ZNF335: variants seen among roughly 807,000 people sequenced by gnomAD.
The protein encoded by ZNF335 is NRC-interacting factor 1.
Under a neutral mutation model 145.6 loss-of-function variants are expected in ZNF335, and 84 were observed. The ratio of observed to expected loss-of-function variants is 0.58; its 90% CI spans 0.48 to 0.69. The LOEUF is 0.69. Ranked by LOEUF, ZNF335 falls within the 30% of genes least tolerant of loss-of-function variation. The pLI is 0.00. For missense variants in ZNF335, 1,865 were observed against 1,809.7 expected, an observed-to-expected ratio of 1.03 and a Z score of -0.55; for synonymous variants, 761 against 717.0, an observed-to-expected ratio of 1.06 and a Z score of -0.98.
chr20:45,956,616 G>C (rs1687289353), intron 17 of ZNF335, among the ~76,000 whole-genome samples: 1 of 151,786 alleles, frequency 6.6e-6, no homozygotes, highest in South Asian at 2.1e-4. Context: ...CAAATCAATA[G>C]AACAGAACTC....
chr20:45,965,691 G>A lies in ZNF335; in HGVS notation c.1039C>T (p.Pro347Ser). The A allele has an allele frequency of 1.2e-6, 2 of 1,603,294 alleles. No homozygotes were observed. The highest frequency in any genetic ancestry group is 1.1e-5 in the South Asian group (1 of 90,598). Residue 347 changes from proline (P) to serine (S), a missense_variant, in exon 7 of 28, where the codon CCC (proline) becomes TCC (serine). Coordinates refer to ENST00000322927, the MANE Select transcript of ZNF335 (RefSeq NM_022095.4). The stretch of plus-strand genomic sequence containing the variant: ...CGGGGCCGGCCAGGTCTCCTTCGGG[G>A]CCTTGGGGTACTGGGGGTGGGGCGC... ...LQRPTPSTPR[P>S]RRRPGRPRKL...
In ZNF335 at chr20:45,963,966, C is replaced by A; in HGVS notation, c.1127G>T (p.Ser376Ile). ...PDGVEGEPLV[S>I]SQSGQSPPEP... ...TGGAGGGCTCTGTCCACTCTGGGAA[C>A]TCACTAGAGGCTCTCCTTCCACACC... Residue 376 changes from serine (S) to isoleucine (I), a missense_variant, in exon 8 of 28, where the codon AGT becomes ATT. By Grantham distance (142) the Ser-to-Ile change is moderately radical (BLOSUM62 -2). Coordinates refer to ENST00000322927, the MANE Select transcript of ZNF335 (RefSeq NM_022095.4). 6.5e-7 allele frequency: 1 copy of A among 1,528,110 alleles called. No homozygotes were observed. The highest frequency in any genetic ancestry group is 8.8e-7 in the Non-Finnish European group (1 of 1,140,044). The allele number at this position is 1,528,110 out of a possible 1,614,324, so 94.7% of individuals were successfully genotyped here.
chr20:45,962,040 T>G, intron 10 of ZNF335, 30 bp downstream of exon 10: 1 of 1,481,338 alleles, frequency 6.8e-7, no homozygotes, highest in Non-Finnish European at 9.4e-7. Flanking sequence ...TGGCCTCTCT[T>G]GCCCAGGTCC....
In ZNF335 at chr20:45,950,024, T is replaced by C; in HGVS notation, c.3533A>G (p.Gln1178Arg). 2 of 1,614,120 alleles carry C rather than the reference T, an allele frequency of 1.2e-6. No homozygotes were observed. Among genetic ancestry groups the C allele is most frequent in the Non-Finnish European group, 1.7e-6 (2 of 1,180,020 alleles). The change falls in exon 23 of 28, where the codon CAG (glutamine) becomes CGG (arginine). Residue 1178 changes from glutamine to arginine, a missense_variant. Gln to Arg is a conservative substitution (Grantham distance 43, BLOSUM62 1). Transcript: ENST00000322927. Reference protein sequence around the residue: ...SHGVLGPERLQQALSQEHIIV... With the variant: ...SHGVLGPERLRQALSQEHIIV... ...GATGTGTTCCTGGCTCAGTGCCTGC[T>C]GTAGCCGCTCTGGGCCCAGGACCCC... is the stretch of plus-strand genomic sequence containing the variant.
At chr20:45,968,551 T>C in intron 3 of ZNF335, 189 bp from the exon 4 acceptor site, 2 of 533,768 alleles carry the variant, frequency 3.7e-6, no homozygotes, top group East Asian at 5.7e-5. Context: ...TGTCTGGAGG[T>C]CTAGTGTGAC....
chr20:45,971,988 T>C, intron 1 of ZNF335, 134 bp downstream of exon 1: 1 of 1,174,000 alleles, frequency 8.5e-7, no homozygotes, highest in African/African-American at 1.6e-5. Flanking sequence ...CGAGAGCGAC[T>C]AAAGGGCCTG....
intron 14 of ZNF335, 116 bp downstream of exon 14, chr20:45,960,092 G>T: frequency 8.3e-7 from 1 of 1,209,366 alleles, no homozygotes; most frequent in Non-Finnish European, 1.1e-6. Context: ...AAGGACTTGG[G>T]CTGTTCTGTG....
In ZNF335 at chr20:45,959,299, G is replaced by C. The variant is rs763158895; in HGVS notation, c.2155C>G (p.Arg719Gly). The change falls in exon 15 of 28, where the codon CGC becomes GGC. Residue 719 changes from arginine to glycine, a missense_variant. Coordinates refer to ENST00000322927, the MANE Select transcript of ZNF335 (RefSeq NM_022095.4). ...TGCAGAGAGAAGAAGGGGCGACGGC[G>C]GGAGGGGGGCTCCTCAGGGTGGCGC... ...GRRHPEEPPS[R>G]RRPFFSLQQI... is the part of the protein sequence containing the mutation. The C allele has an allele frequency of 6.4e-7, 1 of 1,564,284 alleles. No homozygotes were observed. Among genetic ancestry groups the C allele is most frequent in the Non-Finnish European group, 8.7e-7 (1 of 1,151,088 alleles).
intron 10 of ZNF335, 40 bp downstream of exon 10, chr20:45,962,030 T>G: frequency 3.1e-5 from 20 of 643,908 alleles, no homozygotes; most frequent in Non-Finnish European, 5.5e-5. Flanking sequence ...CCACCCAACC[T>G]GGCCTCTCTT....
intron 24 of ZNF335, 85 bp downstream of exon 24, chr20:45,949,715 T>C: frequency 6.5e-7 from 1 of 1,542,872 alleles, no homozygotes; most frequent in Middle Eastern, 1.8e-4. Context: ...AGGGGTGGTT[T>C]GGAAAGTATC....
In ZNF335 at chr20:45,949,381, G is replaced by A. The variant is rs1832751228; in HGVS notation, c.3771C>T (p.Ile1257=). 5 of 1,614,006 alleles carry A rather than the reference G, an allele frequency of 3.1e-6. No homozygotes were observed. Among genetic ancestry groups the A allele is most frequent in the Admixed American group, 1.7e-5 (1 of 60,006 alleles). Reference sequence around the variant, plus strand: ...CTCCTTGTTCATACTGGATGTGTGTGATCTGGCCCTCCTGTACCTGCAGAG... The same window carrying A: ...CTCCTTGTTCATACTGGATGTGTGTAATCTGGCCCTCCTGTACCTGCAGAG... ...GHHIQVQEGQ[I]THIQYEQGAP... The change falls in exon 26 of 28, where the codon ATC becomes ATT. Residue 1257 remains isoleucine, a synonymous_variant. Transcript: ENST00000322927.
In ZNF335 at chr20:45,953,753, C is replaced by T. The variant is rs770940456; in HGVS notation, c.2638G>A (p.Gly880Ser). 7.4e-6 allele frequency: 12 copies of T among 1,614,050 alleles called. No individual in the cohort carries two copies. Among genetic ancestry groups the T allele is most frequent in the Non-Finnish European group, 9.3e-6 (11 of 1,180,034 alleles). The change falls in exon 18 of 28, where the codon GGC becomes AGC. Residue 880 changes from glycine (G) to serine (S), a missense_variant. Gly to Ser is a moderately conservative substitution (Grantham distance 56). Transcript: ENST00000322927. ...TLAPGPFGGTGYSVITAPPME... is the reference protein window; with the variant it reads ...TLAPGPFGGTSYSVITAPPME... ...GGGGGTGCTGTGATGACACTGTAGC[C>T]AGTCCCACCAAATGGACCAGGTGCC...
chr20:45,952,043 G>T, intron 20 of ZNF335, 104 bp downstream of exon 20: 2 of 1,448,274 alleles, frequency 1.4e-6, no homozygotes, highest in Non-Finnish European at 1.8e-6. Context: ...TCCACTCAGA[G>T]GAGAGCAGAG....
intron 23 of ZNF335, 32 bp downstream of exon 23, chr20:45,949,934 C>G: frequency 6.2e-7 from 1 of 1,614,112 alleles, no homozygotes; most frequent in Non-Finnish European, 8.5e-7. Context: ...CTGCCTGTCG[C>G]TGGCCAGAGG....
chr20:45,965,463 T>G (rs2083933902), intron 7 of ZNF335, among the ~76,000 whole-genome samples, 165 bp downstream of exon 7: 1 of 152,104 alleles, frequency 6.6e-6, no homozygotes, highest in African/African-American at 2.4e-5. Context: ...TTCTTGAGCT[T>G]GAGTCTTTGA....
chr20:45,952,585 C>A lies in ZNF335; in HGVS notation c.2814+13G>T, dbSNP rs756066307. On this transcript the variant is annotated intron_variant, in intron 19 of 27. Transcript: ENST00000322927. Reference sequence around the variant, plus strand: ...AGGGAGGTGGGGGAGTGGTTGGCATCCCCAAGCCTCACCTCAATGTGGTGC... The same window carrying A: ...AGGGAGGTGGGGGAGTGGTTGGCATACCCAAGCCTCACCTCAATGTGGTGC... The A allele has an allele frequency of 6.2e-7, 1 of 1,613,388 alleles. No homozygotes were observed. The highest frequency in any genetic ancestry group is 8.5e-7 in the Non-Finnish European group (1 of 1,179,682).
intron 17 of ZNF335, among the ~76,000 whole-genome samples, chr20:45,956,041 T>C (rs995779133): frequency 2.6e-4 from 40 of 152,160 alleles, no homozygotes; most frequent in African/African-American, 9.4e-4. Context: ...AGGTAAAAGA[T>C]GACGCTGAGG....
intron 18 of ZNF335, 56 bp from the exon 19 acceptor site, chr20:45,952,765 C>T: frequency 6.5e-7 from 1 of 1,536,024 alleles, no homozygotes; most frequent in South Asian, 1.1e-5. Context: ...AGCCCCCTTC[C>T]CCAAGCAACA....
intron 4 of ZNF335, 110 bp from the exon 5 acceptor site, chr20:45,968,137 A>C: frequency 6.6e-7 from 1 of 1,522,800 alleles, no homozygotes; most frequent in Non-Finnish European, 9.0e-7. Context: ...CAAATTCCCC[A>C]CCAGAGGCCA....
Sources: gnomAD v4.1 joint callset for allele counts (sites outside exome capture counted in the v4.1 genomes callset) on GRCh38, gnomAD v4.1.1 for gene constraint, MANE v1.5 for transcripts, NCBI Gene and HGNC (gene_info 2026-07-23, HGNC 2026-07-21) for gene names.